The following TRIM5 variants were observed in gnomAD, a reference collection of about 807,000 sequenced individuals.
The protein encoded by TRIM5 is tripartite motif containing 5, also known as tripartite motif-containing protein 5.
Under a neutral mutation model 35.6 loss-of-function variants are expected in TRIM5, and 31 were observed. That is an observed-to-expected ratio of 0.87 (90% CI 0.65 to 1.18). The LOEUF (loss-of-function observed/expected upper bound fraction) is 1.18. Among genes scored for constraint, TRIM5 ranks in the 50% most tolerant of loss-of-function variants. The pLI, the probability that TRIM5 is intolerant of heterozygous loss-of-function variation, is 0.00. For missense variants in TRIM5, 609 were observed against 591.6 expected, an observed-to-expected ratio of 1.03 and a Z score of -0.31; for synonymous variants, 243 against 215.6, an observed-to-expected ratio of 1.13 and a Z score of -1.11.
Position 5,678,274 on chromosome 11 carries a change from G to A in TRIM5, c.674C>T (p.Thr225Ile), listed in dbSNP as rs1227363211. The A allele has an allele frequency of 6.2e-7, 1 of 1,614,094 alleles. No homozygotes were observed. Among genetic ancestry groups the A allele is most frequent in the East Asian group, 2.2e-5 (1 of 44,876 alleles). ...TGAGATGAGCTCTCTCAGGGACTGG[G>A]TCTGCTGCACCATCTCAGTTTCAGA... ...TNSETEMVQQ[T>I]QSLRELISDL... The change falls in exon 4 of 8, where the codon ACC becomes ATC. Residue 225 changes from threonine (T) to isoleucine (I), a missense_variant. Physicochemically the swap from Thr to Ile is moderately conservative, Grantham distance 89. Transcript: ENST00000380034.
chr11:5,603,458 G>T, the TRIM5 span: 25 of 1,614,114 alleles, frequency 1.5e-5, no homozygotes, highest in African/African-American at 3.1e-4. Flanking sequence ...TCAGTGATTG[G>T]TCAAGAAGGG....
chr11:5,670,732 T>C (rs909043688), intron 4 of TRIM5, among the ~76,000 whole-genome samples: 5 of 152,080 alleles, frequency 3.3e-5, no homozygotes, highest in East Asian at 3.9e-4. Context: ...CTTGAGGGGA[T>C]TGAACATAAC....
At chr11:5,649,875 T>A in the TRIM5 span, among the ~76,000 whole-genome samples, 1 of 152,186 alleles carries the variant, frequency 6.6e-6, no homozygotes, top group African/African-American at 2.4e-5. Flanking sequence ...TAAAGAACTT[T>A]GCCCCAATCC....
the TRIM5 span, among the ~76,000 whole-genome samples, chr11:5,600,129 T>G: frequency 6.6e-6 from 1 of 152,216 alleles, no homozygotes; most frequent in Admixed American, 6.5e-5. Flanking sequence ...AATTTGTTAA[T>G]TATATTTTGC....
At chr11:5,605,623 T>G in the TRIM5 span, 4 of 1,535,306 alleles carry the variant, frequency 2.6e-6, no homozygotes, top group East Asian at 2.3e-5. Context: ...AAACTAACTT[T>G]CCTTCCTTTC....
At chr11:5,667,347 C>G (rs774626349) in intron 5 of TRIM5, among the ~76,000 whole-genome samples, 1 of 152,066 alleles carries the variant, frequency 6.6e-6, no homozygotes, top group Non-Finnish European at 1.5e-5. Context: ...GCTGGGATTA[C>G]AGGCACGGGC....
chr11:5,649,781 C>T, the TRIM5 span, among the ~76,000 whole-genome samples: 1 of 152,126 alleles, frequency 6.6e-6, no homozygotes, highest in Non-Finnish European at 1.5e-5. Context: ...CCTATCCACC[C>T]CTTGATTTAT....
the TRIM5 span, chr11:5,603,707 T>C: frequency 6.2e-7 from 1 of 1,613,340 alleles, no homozygotes; most frequent in Non-Finnish European, 8.5e-7. Context: ...CACACGTTCC[T>C]CGTGGAGGAG....
chr11:5,674,589 C>G (rs1186391576), intron 4 of TRIM5, among the ~76,000 whole-genome samples: 2 of 152,230 alleles, frequency 1.3e-5, no homozygotes, highest in Admixed American at 1.3e-4. Context: ...AGACTCCAGA[C>G]TGGTATCTAT....
the TRIM5 span, among the ~76,000 whole-genome samples, chr11:5,614,855 C>A: frequency 1.3e-5 from 2 of 152,120 alleles, no homozygotes; most frequent in South Asian, 2.1e-4. Context: ...TAACTTGATA[C>A]ATTTTGACTT....
chr11:5,660,998 C>T (rs1174127097), downstream of TRIM5, among the ~76,000 whole-genome samples: 1 of 116,692 alleles, frequency 8.6e-6, no homozygotes, highest in Non-Finnish European at 1.6e-5. Flanking sequence ...GCCGAAATCG[C>T]GCCACTGCAC....
chr11:5,667,189 T>C (rs558407708), intron 5 of TRIM5, among the ~76,000 whole-genome samples: 44 of 152,122 alleles, frequency 2.9e-4, no homozygotes, highest in African/African-American at 1.0e-3. Context: ...ATTCCTTTTC[T>C]TTTTTTTAAT....
the TRIM5 span, among the ~76,000 whole-genome samples, chr11:5,614,703 A>T: frequency 6.6e-6 from 1 of 152,192 alleles, no homozygotes; most frequent in Admixed American, 6.5e-5. Flanking sequence ...TAGTTATCCT[A>T]ATATTTCCCA....
chr11:5,603,703 T>G, the TRIM5 span: 2 of 1,613,388 alleles, frequency 1.2e-6, no homozygotes, highest in African/African-American at 2.7e-5. Flanking sequence ...TCACCACACG[T>G]TCCTCGTGGA....
the TRIM5 span, among the ~76,000 whole-genome samples, chr11:5,654,240 G>C: frequency 6.7e-6 from 1 of 149,686 alleles, no homozygotes; most frequent in South Asian, 2.1e-4. Context: ...TGTTTCTTTT[G>C]TTCTTACATT....
intron 4 of TRIM5, among the ~76,000 whole-genome samples, chr11:5,671,029 C>T (rs1034005826): frequency 9.2e-5 from 14 of 151,960 alleles, no homozygotes; most frequent in Non-Finnish European, 2.1e-4. Flanking sequence ...GGATTGAGAC[C>T]AGCCTGGGCA....
At chr11:5,592,069 G>A in the TRIM5 span, among the ~76,000 whole-genome samples, 2 of 152,174 alleles carry the variant, frequency 1.3e-5, no homozygotes, top group African/African-American at 4.8e-5. Flanking sequence ...GACTTTGTCA[G>A]CTAGGAAACT....
At chr11:5,610,690 T>G in the TRIM5 span, 6 of 1,570,798 alleles carry the variant, frequency 3.8e-6, no homozygotes, top group East Asian at 1.3e-4. Context: ...TTCCAGTTCC[T>G]CCAACCACTT....
At chr11:5,639,679 CAAAAAAAAA>C in the TRIM5 span, among the ~76,000 whole-genome samples, 12 of 51,130 alleles carry the variant, frequency 2.3e-4, no homozygotes, top group African/African-American at 3.5e-4. Flanking sequence ...GACTCTATTT[CAAAAAAAAA>C]AAAAAAAAAA....
Sources: gnomAD v4.1 joint callset for allele counts (sites outside exome capture counted in the v4.1 genomes callset) on GRCh38, gnomAD v4.1.1 for gene constraint, MANE v1.5 for transcripts, NCBI Gene and HGNC (gene_info 2026-07-23, HGNC 2026-07-21) for gene names.